ATAD3B: variants seen among roughly 807,000 people sequenced by gnomAD.
ATAD3B encodes ATPase family AAA domain-containing protein 3B.
In ATAD3B, 59 loss-of-function variants were observed where a neutral mutation model predicts 70.2. That is an observed-to-expected ratio of 0.84 (90% CI 0.68 to 1.04). The LOEUF (loss-of-function observed/expected upper bound fraction) is 1.04, where lower values mean the gene tolerates loss of function less well. ATAD3B is among the 50% of genes least tolerant of loss of function. The pLI is 0.00. For missense variants in ATAD3B, 961 were observed against 913.4 expected (o/e 1.05, Z -0.67); for synonymous variants, 423 against 388.6 (o/e 1.09, Z -1.04).
rs1639349089 is a variant in ATAD3B, at chr1:1,472,011, C to T, written c.127C>T (p.Pro43Ser). The stretch of plus-strand genomic sequence containing the variant: ...CCGCGGTTTGGGAGACCGGCCGGCG[C>T]CCAAGGACAAATGGAGCAACTTCGA... ...GDRGLGDRPA[P>S]KDKWSNFDPT... The change falls in exon 1 of 16, where the codon CCC becomes TCC. Residue 43 changes from proline (P) to serine (S), a missense_variant. Transcript: ENST00000673477. The T allele has an allele frequency of 2.4e-6, 3 of 1,239,318 alleles. No homozygotes were observed. The highest frequency in any genetic ancestry group is 3.0e-6 in the Non-Finnish European group (3 of 989,128). The allele number at this position is 1,239,318 out of a possible 1,614,324, so 76.8% of individuals were successfully genotyped here. A position where few individuals can be genotyped will look rare whatever the true frequency, so the allele number is the denominator to read the frequency against.
chr1:1,477,377 G>C (rs770283256), intron 2 of ATAD3B, 27 bp downstream of exon 2: 24 of 1,611,630 alleles, frequency 1.5e-5, no homozygotes, highest in Non-Finnish European at 1.9e-5. Flanking sequence ...TGGGCGAGGA[G>C]GCCGGGGCGC....
intron 12 of ATAD3B, among the ~76,000 whole-genome samples, chr1:1,488,975 C>G (rs566707826): frequency 2.0e-5 from 3 of 151,834 alleles, no homozygotes; most frequent in Admixed American, 2.0e-4. Flanking sequence ...GTTGGCCAGG[C>G]TGGTCTCAAA....
Position 1,494,548 on chromosome 1 carries a change from C to T in ATAD3B, c.1615-937C>T, listed in dbSNP as rs1422674528. Among the ~76,000 whole-genome samples the T allele has an allele frequency of 5.9e-5, 9 of 151,948 alleles. No homozygotes were observed. The East Asian group carries it at 9.7e-4, about 16-fold the overall frequency. On this transcript the variant is annotated intron_variant, in intron 15 of 15. Transcript: ENST00000673477. ...CCGACCCACAGTGGCGGTCCGGCTC[C>T]GGTCGGTGTCTCCCCACACAGTGGC...
At chr1:1,484,393 AG>A (rs1640091441) in intron 7 of ATAD3B, 1 of 152,270 alleles carries the variant, frequency 6.6e-6, no homozygotes, top group Admixed American at 6.6e-5. Flanking sequence ...CTGTTAGCCA[AG>A]ATGGTTTCGA....
chr1:1,478,038 G>C (rs759562686), intron 2 of ATAD3B: 2 of 86,288 alleles, frequency 2.3e-5, no homozygotes, highest in Non-Finnish European at 4.8e-5. Flanking sequence ...GTGTCACTCT[G>C]TCCCCCAGTC....
At chr1:1,504,044 G>C in the ATAD3B span, among the ~76,000 whole-genome samples, 4 of 151,862 alleles carry the variant, frequency 2.6e-5, no homozygotes, top group Admixed American at 2.0e-4. Context: ...CTTGAGTGTC[G>C]TGGTGCGTTC....
rs1012074622 is a variant in ATAD3B at position 1,496,234 on chromosome 1, C to T, written c.*417C>T. The T allele has an allele frequency of 2.2e-5, 22 of 999,168 alleles. No individual in the cohort carries two copies. Among genetic ancestry groups the T allele is most frequent in the African/African-American group, 6.9e-5 (4 of 57,840 alleles). 61.9% of individuals were successfully genotyped at this position (999,168 alleles called of 1,614,324 possible). The stretch of plus-strand genomic sequence containing the variant: ...TGTCTCTCTATTGACTGACACTGCT[C>T]GGGGTTTCAGGGGCGCCCTAGCGTC... On this transcript the variant is annotated 3_prime_UTR_variant, in exon 16 of 16. Coordinates refer to ENST00000673477, the MANE Select transcript of ATAD3B (RefSeq NM_031921.6).
intron 1 of ATAD3B, among the ~76,000 whole-genome samples, chr1:1,474,380 C>A (rs1323491001): frequency 2.0e-5 from 3 of 149,966 alleles, no homozygotes; most frequent in Non-Finnish European, 4.4e-5. Context: ...TTTTTAGAGA[C>A]CGGTTTTCAC....
At chr1:1,490,541 C>T (rs768338987) in intron 14 of ATAD3B, 22 bp from the exon 15 acceptor site, 1 of 1,611,388 alleles carries the variant, frequency 6.2e-7, no homozygotes. Flanking sequence ...TTGGCTGCCT[C>T]ACTTGGGAAC....
intron 9 of ATAD3B, 57 bp downstream of exon 9, chr1:1,485,895 T>C (rs138621682): frequency 0.014 from 21,868 of 1,611,158 alleles, 526 homozygotes; most frequent in African/African-American, 0.038. Flanking sequence ...GGAGCTGGGC[T>C]GGGCTGTGGC....
chr1:1,484,422 C>A (rs549164114), intron 7 of ATAD3B: 2 of 152,442 alleles, frequency 1.3e-5, no homozygotes, highest in South Asian at 2.1e-4. Flanking sequence ...ACCTCGTGAT[C>A]CGCCCGCGTG....
intron 15 of ATAD3B, among the ~76,000 whole-genome samples, chr1:1,493,027 C>T (rs1262326423): frequency 2.6e-5 from 4 of 151,832 alleles, no homozygotes; most frequent in African/African-American, 9.7e-5. Context: ...AGGAGAATTG[C>T]TGGAACTCAG....
chr1:1,484,631 A>G (rs2100564346), intron 7 of ATAD3B: 1 of 206,890 alleles, frequency 4.8e-6, no homozygotes, highest in African/African-American at 2.3e-5. Flanking sequence ...CGATTTTTAA[A>G]ACAAGTTAGA....
chr1:1,486,219 A>G lies in ATAD3B; in HGVS notation c.1073A>G (p.Lys358Arg). The G allele has an allele frequency of 1.9e-6, 3 of 1,613,034 alleles. 1 individual carries two copies. The highest frequency in any genetic ancestry group is 1.7e-4 in the Middle Eastern group (1 of 6,060). ...ILLYGPPGTG[K>R]TLFAKKLALH... Reference sequence around the variant, plus strand: ...CTGTATGGGCCACCAGGCACCGGGAAGACGCTGTTTGCCAAGGTGAGAGCG... The same window carrying G: ...CTGTATGGGCCACCAGGCACCGGGAGGACGCTGTTTGCCAAGGTGAGAGCG... Residue 358 changes from lysine to arginine, a missense_variant, in exon 10 of 16, where the codon AAG becomes AGG. By Grantham distance (26) the Lys-to-Arg change is conservative. Around this residue, in one of 4 missense-constraint regions of ATAD3B, gnomAD observed 349 missense variants for 307.5 expected, o/e 1.14. Coordinates refer to ENST00000673477, the MANE Select transcript of ATAD3B (RefSeq NM_031921.6).
the ATAD3B span, chr1:1,503,427 G>T: frequency 1.9e-5 from 13 of 691,204 alleles, no homozygotes; most frequent in Non-Finnish European, 3.3e-5. Flanking sequence ...GCATCGTCAC[G>T]CCAGGTCTGA....
chr1:1,480,536 G>A lies in ATAD3B; in HGVS notation c.445-331G>A, dbSNP rs1016977607. Among the ~76,000 whole-genome samples the A allele has an allele frequency of 5.4e-5, 8 of 147,732 alleles. 2 individuals are homozygous for A. The highest frequency in any genetic ancestry group is 1.0e-4 in the African/African-American group (4 of 39,630). ...CTGTTGTGGGCATTGTAGCTTTAAC[G>A]TTTAATTGGCGGAAGACAGAAGCTT... On this transcript the variant is annotated intron_variant, in intron 4 of 15. Coordinates refer to ENST00000673477, the MANE Select transcript of ATAD3B (RefSeq NM_031921.6).
downstream of ATAD3B, among the ~76,000 whole-genome samples, chr1:1,502,506 C>CCTACACTGAT (rs1379870850): frequency 7.0e-5 from 8 of 113,680 alleles, no homozygotes; most frequent in African/African-American, 2.2e-4. Context: ...CCGTGCCCAG[C>CCTACACTGAT]ATTTTTTTTT....
rs1359422301 is a variant in ATAD3B at position 1,486,817 on chromosome 1, G to A, written c.1214+149G>A. On this transcript the variant is annotated intron_variant, in intron 11 of 15. Coordinates refer to ENST00000673477, the MANE Select transcript of ATAD3B (RefSeq NM_031921.6). ...CAGGAGGCCCAATGGAGGGTCCCTC[G>A]GAGGGAAAGTCCCCTGAGTGTGGAC... 35 of 1,471,638 alleles carry A rather than the reference G, an allele frequency of 2.4e-5. 3 individuals are homozygous for A. The highest frequency in any genetic ancestry group is 3.0e-5 in the Non-Finnish European group (33 of 1,111,120). The allele number at this position is 1,471,638 out of a possible 1,614,324, so 91.2% of individuals were successfully genotyped here.
At chr1:1,508,813 G>A in the ATAD3B span, among the ~76,000 whole-genome samples, 4 of 151,514 alleles carry the variant, frequency 2.6e-5, no homozygotes, top group African/African-American at 9.8e-5. Context: ...GGAGGCCTGT[G>A]AGGGTCAGGG....
Sources: gnomAD v4.1 joint callset for allele counts (sites outside exome capture counted in the v4.1 genomes callset) on GRCh38, gnomAD v4.1.1 for gene constraint, gnomAD v4.1.1 regional missense constraint, MANE v1.5 for transcripts, NCBI Gene and HGNC (gene_info 2026-07-23, HGNC 2026-07-21) for gene names.